BCAS3: variants seen among roughly 807,000 people sequenced by gnomAD.
The protein encoded by BCAS3 is BCAS4/BCAS3 fusion.
Under a neutral mutation model 116.1 loss-of-function variants are expected in BCAS3, and 53 were observed. The observed-to-expected ratio is 0.46, with a 90% confidence interval of 0.37 to 0.57. The LOEUF (loss-of-function observed/expected upper bound fraction) is 0.57, where lower values mean the gene tolerates loss of function less well. BCAS3 is among the 20% of genes least tolerant of loss of function. BCAS3 has a pLI of 0.00. For synonymous variants in BCAS3, 391 were observed against 408.2 expected, an observed-to-expected ratio of 0.96 and a Z score of 0.51; for missense variants, 917 against 1,165.4, an observed-to-expected ratio of 0.79 and a Z score of 3.10.
intron 22 of BCAS3, among the ~76,000 whole-genome samples, chr17:61,271,491 T>G (rs1431242475): frequency 2.2e-5 from 3 of 135,582 alleles, no homozygotes; most frequent in African/African-American, 2.8e-5. Flanking sequence ...TGGCGCGATC[T>G]TGGCTCACTG....
At chr17:60,841,511 C>T (rs1355407201) in intron 7 of BCAS3, among the ~76,000 whole-genome samples, 1 of 149,162 alleles carries the variant, frequency 6.7e-6, no homozygotes, top group Non-Finnish European at 1.5e-5. Context: ...TCCCGAGTAG[C>T]TGGGACTACA....
intron 22 of BCAS3, among the ~76,000 whole-genome samples, chr17:61,272,616 G>A (rs1383530667): frequency 9.5e-6 from 1 of 105,254 alleles, no homozygotes; most frequent in Non-Finnish European, 1.7e-5. Flanking sequence ...TCCAGCTGGT[G>A]ACAGAGTGAA....
intron 14 of BCAS3, among the ~76,000 whole-genome samples, chr17:60,965,024 G>A (rs373013529): frequency 2.0e-5 from 3 of 151,630 alleles, no homozygotes; most frequent in African/African-American, 4.8e-5. Flanking sequence ...TTTTAGCTTC[G>A]ATTTCATTAG....
intron 7 of BCAS3, among the ~76,000 whole-genome samples, chr17:60,822,006 C>G (rs1281420592): frequency 6.6e-6 from 1 of 152,192 alleles, no homozygotes; most frequent in Non-Finnish European, 1.5e-5. Flanking sequence ...TGATTATGCT[C>G]TCATCTGTTG....
At chr17:60,827,837 T>G (rs938086525) in intron 7 of BCAS3, among the ~76,000 whole-genome samples, 2 of 152,174 alleles carry the variant, frequency 1.3e-5, no homozygotes, top group Non-Finnish European at 2.9e-5. Flanking sequence ...TGGGAAATAC[T>G]TTGCTGTCAC....
intron 6 of BCAS3, among the ~76,000 whole-genome samples, chr17:60,788,619 G>A (rs1388267308): frequency 2.0e-5 from 3 of 152,114 alleles, no homozygotes; most frequent in Non-Finnish European, 4.4e-5. Flanking sequence ...AAGGTAATAT[G>A]ATTTATGTCT....
At chr17:61,133,387 G>A (rs1177784855) in intron 22 of BCAS3, among the ~76,000 whole-genome samples, 1 of 152,178 alleles carries the variant, frequency 6.6e-6, no homozygotes, top group African/African-American at 2.4e-5. Flanking sequence ...TAGGCTAACT[G>A]ATGTCAAGTA....
intron 19 of BCAS3, among the ~76,000 whole-genome samples, chr17:61,072,462 C>A (rs2071525022): frequency 1.3e-5 from 2 of 152,100 alleles, no homozygotes; most frequent in South Asian, 2.1e-4. Flanking sequence ...CCGTTACTTA[C>A]TTAGTACAGA....
In BCAS3 at chr17:61,281,382, A is replaced by C. The variant is rs901284436; in HGVS notation, c.2426-86945A>C. ...CAGGTCAAAGGATAAGTGACCTAGG[A>C]ATTTTTTGTAATTTAATTATTTAAT... On this transcript the variant is annotated intron_variant, in intron 22 of 23. Coordinates refer to ENST00000407086, the MANE Select transcript of BCAS3 (RefSeq NM_017679.5). The surrounding 1 kb of genome is among the most constrained non-coding windows in gnomAD (Gnocchi z 4.2). Among the ~76,000 whole-genome samples the C allele has an allele frequency of 1.3e-5, 2 of 152,158 alleles. No individual in the cohort carries two copies. The highest frequency in any genetic ancestry group is 2.9e-5 in the Non-Finnish European group (2 of 68,026).
chr17:60,689,841 T>G, intron 4 of BCAS3, 80 bp downstream of exon 4: 1 of 930,536 alleles, frequency 1.1e-6, no homozygotes, highest in Non-Finnish European at 1.7e-6. Flanking sequence ...AGCCTCTACT[T>G]TAGTCAGATT....
chr17:61,005,421 G>A (rs2064601122), intron 15 of BCAS3, among the ~76,000 whole-genome samples: 1 of 151,924 alleles, frequency 6.6e-6, no homozygotes, highest in Non-Finnish European at 1.5e-5. Flanking sequence ...TTTTAAAACT[G>A]GAAATAAAGT....
At chr17:61,274,685 G>T (rs1486869091) in intron 22 of BCAS3, among the ~76,000 whole-genome samples, 1 of 152,060 alleles carries the variant, frequency 6.6e-6, no homozygotes, top group African/African-American at 2.4e-5. Context: ...CTAAGATCAG[G>T]AACACAGCAA....
rs749914696 is a variant in BCAS3 at position 61,213,141 on chromosome 17, T to TTA, written c.2425+128587_2425+128588dup. On this transcript the variant is annotated intron_variant, in intron 22 of 23. Coordinates refer to ENST00000407086, the MANE Select transcript of BCAS3 (RefSeq NM_017679.5). The surrounding 1 kb of genome is among the most constrained non-coding windows in gnomAD (Gnocchi z 5.4). ...TTAGTTTCCTTTCCTTGTTAAATTG[T>TTA]TATATATATATTTTTGTTTGTTTGT... is the stretch of plus-strand genomic sequence containing the variant. 7.9e-5 allele frequency among the ~76,000 whole-genome samples: 12 copies of TTA among 152,142 alleles called. No homozygotes were observed. In the East Asian group the frequency reaches 1.2e-3, roughly 15 times the overall value.
chr17:60,927,468 T>C (rs1567887419), intron 13 of BCAS3, among the ~76,000 whole-genome samples: 1 of 152,046 alleles, frequency 6.6e-6, no homozygotes, highest in Non-Finnish European at 1.5e-5. Flanking sequence ...TGTTGGCTAG[T>C]GTGGTCTCGA....
intron 13 of BCAS3, among the ~76,000 whole-genome samples, chr17:60,940,659 T>C (rs1599840498): frequency 1.3e-5 from 2 of 152,356 alleles, no homozygotes; most frequent in East Asian, 3.9e-4. Context: ...CAGGTGTTAA[T>C]TGAAAAGTAT....
In BCAS3 at chr17:61,279,643, T is replaced by G. The variant is rs1295934677; in HGVS notation, c.2426-88684T>G. 6.6e-6 allele frequency among the ~76,000 whole-genome samples: 1 copy of G among 152,190 alleles called. No homozygotes were observed. Among genetic ancestry groups the G allele is most frequent in the African/African-American group, 2.4e-5 (1 of 41,460 alleles). ...TGCCTTGGGATAAGCATATATTACA[T>G]TCAGTCTTAATCCCTTGGAGGACAC... On this transcript the variant is annotated intron_variant, in intron 22 of 23. Coordinates refer to ENST00000407086, the MANE Select transcript of BCAS3 (RefSeq NM_017679.5). The surrounding 1 kb of genome is among the most constrained non-coding windows in gnomAD (Gnocchi z 4.4).
intron 22 of BCAS3, among the ~76,000 whole-genome samples, chr17:61,212,274 G>A (rs1242178504): frequency 6.6e-6 from 1 of 152,054 alleles, no homozygotes; most frequent in Admixed American, 6.6e-5. Context: ...GTCTCCGTCT[G>A]TCACCCAGGC....
At position 61,386,796 on chromosome 17, in the gene BCAS3, G is replaced by GTT. The variant is rs57275173; in HGVS notation, c.2594-5165_2594-5164dup. On this transcript the variant is annotated intron_variant, in intron 23 of 23. Transcript: ENST00000407086. Reference sequence around the variant, plus strand: ...CTGTTTTTTTTTGTTTTTGTTTTTTGTTTTTTTTTTTTTTTTTGAGATGCC... The same window carrying GTT: ...CTGTTTTTTTTTGTTTTTGTTTTTTGTTTTTTTTTTTTTTTTTTTGAGATGCC... Among the ~76,000 whole-genome samples, 13 of 113,832 alleles carry GTT rather than the reference G, an allele frequency of 1.1e-4. No individual in the cohort carries two copies. The South Asian group carries it at 1.8e-3, about 16-fold the overall frequency. 74.7% of individuals were successfully genotyped at this position (113,832 alleles called of 152,430 possible). A position where few individuals can be genotyped will look rare whatever the true frequency, so the allele number is the denominator to read the frequency against.
chr17:60,763,318 T>C (rs947768198), intron 6 of BCAS3, among the ~76,000 whole-genome samples: 6 of 152,238 alleles, frequency 3.9e-5, no homozygotes, highest in Admixed American at 1.3e-4. Context: ...TTCAGTATGA[T>C]ACTGGCTGTG....
Sources: allele counts gnomAD v4.1 joint callset (sites outside exome capture counted in the v4.1 genomes callset), GRCh38; gene constraint gnomAD v4.1.1; non-coding constraint Gnocchi (gnomAD v3.1); transcripts MANE v1.5; gene names NCBI Gene and HGNC (gene_info 2026-07-23, HGNC 2026-07-21).